GPR158: variants seen among roughly 807,000 people sequenced by gnomAD.
GPR158 encodes the protein metabotropic glycine receptor.
A neutral mutation model predicts 78.2 loss-of-function variants in GPR158; 30 were observed. That is an observed-to-expected ratio of 0.38 (90% CI 0.29 to 0.52). The LOEUF (loss-of-function observed/expected upper bound fraction) is 0.52, where lower values mean the gene tolerates loss of function less well. Ranked by LOEUF, GPR158 falls within the 20% of genes least tolerant of loss-of-function variation. The probability of loss-of-function intolerance (pLI) is 0.83; values close to 1 mark genes in which losing one functional copy is unlikely to be tolerated. For missense variants in GPR158, 1,463 were observed against 1,523.5 expected, an observed-to-expected ratio of 0.96 and a Z score of 0.66; for synonymous variants, 581 against 591.1, an observed-to-expected ratio of 0.98 and a Z score of 0.25.
intron 5 of GPR158, among the ~76,000 whole-genome samples, chr10:25,478,119 G>C (rs1835613904): frequency 6.6e-6 from 1 of 152,082 alleles, no homozygotes. Context: ...ATGGTTAAGA[G>C]CCTTACTCCA....
At chr10:25,299,513 T>C (rs1419563444) in intron 2 of GPR158, among the ~76,000 whole-genome samples, 1 of 152,190 alleles carries the variant, frequency 6.6e-6, no homozygotes, top group African/African-American at 2.4e-5. Flanking sequence ...TCTGTCTGGC[T>C]TATTTCACTT....
intron 5 of GPR158, among the ~76,000 whole-genome samples, chr10:25,514,110 A>T (rs888373545): frequency 6.6e-6 from 1 of 152,090 alleles, no homozygotes; most frequent in African/African-American, 2.4e-5. Context: ...TCAGTGGAGT[A>T]TTCAAGTCTC....
At chr10:25,280,001 T>C (rs754896712) in intron 2 of GPR158, among the ~76,000 whole-genome samples, 5 of 150,192 alleles carry the variant, frequency 3.3e-5, no homozygotes, top group Non-Finnish European at 5.9e-5. Context: ...TAACTACTTA[T>C]GAATTAGAGG....
At chr10:25,264,721 T>A (rs993633491) in intron 2 of GPR158, among the ~76,000 whole-genome samples, 1 of 152,174 alleles carries the variant, frequency 6.6e-6, no homozygotes, top group Admixed American at 6.5e-5. Context: ...CCATAGTAAT[T>A]CTTTACTTTG....
At chr10:25,324,634 T>G (rs1386674234) in intron 2 of GPR158, among the ~76,000 whole-genome samples, 1 of 152,020 alleles carries the variant, frequency 6.6e-6, no homozygotes, top group Non-Finnish European at 1.5e-5. Flanking sequence ...GTTGGAAAAA[T>G]GGTGCCCATA....
At chr10:25,507,202 C>G (rs1375139720) in intron 5 of GPR158, among the ~76,000 whole-genome samples, 2 of 152,180 alleles carry the variant, frequency 1.3e-5, no homozygotes, top group Non-Finnish European at 2.9e-5. Flanking sequence ...CAAGAAAAAT[C>G]ATATGGCTGT....
chr10:25,369,618 T>C (rs1223740045), intron 2 of GPR158, among the ~76,000 whole-genome samples: 2 of 151,740 alleles, frequency 1.3e-5, no homozygotes, highest in East Asian at 1.9e-4. Flanking sequence ...AGGATATTGG[T>C]CTAAAATTCT....
chr10:25,489,749 A>C (rs1225986453), intron 5 of GPR158, among the ~76,000 whole-genome samples: 1 of 152,142 alleles, frequency 6.6e-6, no homozygotes, highest in Non-Finnish European at 1.5e-5. Flanking sequence ...TGATATATGC[A>C]CAAAGTGATA....
At chr10:25,556,038 C>T (rs1836782615) in intron 6 of GPR158, among the ~76,000 whole-genome samples, 2 of 152,094 alleles carry the variant, frequency 1.3e-5, no homozygotes, top group Admixed American at 6.6e-5. Flanking sequence ...TATAAGGATA[C>T]GTAAATGCAG....
chr10:25,333,297 A>C (rs1414669356), intron 2 of GPR158, among the ~76,000 whole-genome samples: 1 of 152,206 alleles, frequency 6.6e-6, no homozygotes, highest in Admixed American at 6.5e-5. Flanking sequence ...TTTATTAGAT[A>C]GGGATTTAGT....
In GPR158 at chr10:25,463,021, G is replaced by A. The variant is rs78257495; in HGVS notation, c.1336-3630G>A. On this transcript the variant is annotated intron_variant, in intron 4 of 10. Transcript: ENST00000376351. Reference sequence around the variant, plus strand: ...ACAAAGAAATCTCTCATGAAAGGAAGAGTCGACTGGTACAGCAAACTTCAT... The same window carrying A: ...ACAAAGAAATCTCTCATGAAAGGAAAAGTCGACTGGTACAGCAAACTTCAT... Among the ~76,000 whole-genome samples, 10 of 152,292 alleles carry A rather than the reference G, an allele frequency of 6.6e-5. No homozygotes were observed. The East Asian group carries it at 1.9e-3, about 29-fold the overall frequency.
At chr10:25,343,669 A>T (rs1440235897) in intron 2 of GPR158, among the ~76,000 whole-genome samples, 1 of 152,012 alleles carries the variant, frequency 6.6e-6, no homozygotes, top group Admixed American at 6.6e-5. Context: ...AAATGTTTTC[A>T]ATTAATACAT....
chr10:25,492,141 A>G (rs1329256), intron 5 of GPR158, among the ~76,000 whole-genome samples: 70,535 of 151,712 alleles, frequency 0.46, 17,622 homozygotes, highest in East Asian at 0.79. Context: ...AAGAGAGAGC[A>G]AGAAGATGCC....
chr10:25,372,562 C>T (rs371966579), intron 2 of GPR158, among the ~76,000 whole-genome samples: 2 of 147,298 alleles, frequency 1.4e-5, no homozygotes, highest in Non-Finnish European at 3.0e-5. Flanking sequence ...TTTGTAGGGA[C>T]ATGGACGAAA....
At chr10:25,244,764 T>C (rs969435285) in intron 2 of GPR158, 1 of 152,094 alleles carries the variant, frequency 6.6e-6, no homozygotes, top group African/African-American at 2.4e-5. Flanking sequence ...ATGACAACAA[T>C]GATCAATGAA....
chr10:25,368,771 C>G (rs968733993), intron 2 of GPR158, among the ~76,000 whole-genome samples: 1 of 50,574 alleles, frequency 2.0e-5, no homozygotes, highest in African/African-American at 8.9e-5. Context: ...GGCAGTATGG[C>G]CATTTTCATA....
chr10:25,384,704 A>AAATGCC (rs5783928), intron 2 of GPR158, among the ~76,000 whole-genome samples: 123,053 of 151,330 alleles, frequency 0.81, 51,041 homozygotes, highest in Non-Finnish European at 0.87. Flanking sequence ...TATTTCTGTT[A>AAATGCC]AAACAAGTCT....
chr10:25,377,577 T>C (rs1417475663), intron 2 of GPR158, among the ~76,000 whole-genome samples: 1 of 152,076 alleles, frequency 6.6e-6, no homozygotes, highest in Admixed American at 6.6e-5. Flanking sequence ...TTCTGCTTTC[T>C]GTCTTGATGG....
intron 2 of GPR158, among the ~76,000 whole-genome samples, chr10:25,331,081 T>C (rs1855113264): frequency 6.6e-6 from 1 of 152,028 alleles, no homozygotes; most frequent in Non-Finnish European, 1.5e-5. Flanking sequence ...GGATTACAGG[T>C]GAATGCCACT....
Sources: allele counts gnomAD v4.1 joint callset (sites outside exome capture counted in the v4.1 genomes callset), GRCh38; gene constraint gnomAD v4.1.1; transcripts MANE v1.5; gene names NCBI Gene and HGNC (gene_info 2026-07-23, HGNC 2026-07-21).